The following RYR3 variants were observed in gnomAD, a reference collection of about 807,000 sequenced individuals.
The protein encoded by RYR3 is ryanodine receptor 3.
A neutral mutation model predicts 584.3 loss-of-function variants in RYR3; 207 were observed. That is an observed-to-expected ratio of 0.35 (90% confidence interval 0.32 to 0.40). The LOEUF is 0.40. Among genes scored for constraint, RYR3 ranks in the 10% least tolerant of loss-of-function variants. The pLI is 1.00. For synonymous variants in RYR3, 2,416 were observed against 2,248.5 expected (o/e 1.07, Z -2.11); for missense variants, 5,616 against 6,089.2 (o/e 0.92, Z 2.59).
intron 94 of RYR3, chr15:33,850,625 T>A (rs985502386): frequency 1.3e-5 from 2 of 151,882 alleles, no homozygotes; most frequent in Non-Finnish European, 2.9e-5. Flanking sequence ...GTGCTTTTTT[T>A]CAGTTAACTG....
intron 1 of RYR3, among the ~76,000 whole-genome samples, chr15:33,318,826 C>T (rs1309805538): frequency 2.6e-5 from 4 of 152,116 alleles, no homozygotes; most frequent in African/African-American, 4.8e-5. Flanking sequence ...TACATCAAAA[C>T]GAGAACTAAG....
intron 2 of RYR3, 136 bp from the exon 3 acceptor site, chr15:33,503,495 A>G: frequency 1.6e-6 from 1 of 614,788 alleles, no homozygotes; most frequent in Middle Eastern, 2.6e-4. Context: ...AACAGGAGAA[A>G]GCCACCTTTT....
chr15:33,549,688 T>A (rs2056526810), intron 9 of RYR3, among the ~76,000 whole-genome samples: 1 of 152,240 alleles, frequency 6.6e-6, no homozygotes, highest in African/African-American at 2.4e-5. Flanking sequence ...TGCTTGTTTG[T>A]TGTCTCTCTT....
chr15:33,699,275 C>G (rs1355837292), intron 40 of RYR3, among the ~76,000 whole-genome samples: 1 of 116,584 alleles, frequency 8.6e-6, no homozygotes, highest in Non-Finnish European at 1.7e-5. Context: ...TCTCTCTCCC[C>G]CCTCCTCACT....
chr15:33,580,356 C>T (rs1231455861), intron 13 of RYR3, among the ~76,000 whole-genome samples: 1 of 152,228 alleles, frequency 6.6e-6, no homozygotes, highest in Non-Finnish European at 1.5e-5. Context: ...AACCAGATTA[C>T]ATTTTAAAGC....
At chr15:33,776,649 T>C (rs1327304973) in intron 64 of RYR3, among the ~76,000 whole-genome samples, 1 of 152,236 alleles carries the variant, frequency 6.6e-6, no homozygotes, top group Non-Finnish European at 1.5e-5. Context: ...CTGTCCCCAC[T>C]GTGCTTTCTG....
At chr15:33,633,526 C>T (rs1393281322) in intron 24 of RYR3, among the ~76,000 whole-genome samples, 1 of 152,186 alleles carries the variant, frequency 6.6e-6, no homozygotes, top group African/African-American at 2.4e-5. Context: ...CCTGGCACAC[C>T]TCTTTCCTTG....
chr15:33,651,200 C>A (rs2062443462), intron 31 of RYR3, among the ~76,000 whole-genome samples: 1 of 152,198 alleles, frequency 6.6e-6, no homozygotes, highest in Non-Finnish European at 1.5e-5. Flanking sequence ...GAAATAAATA[C>A]AAAATCCGTT....
intron 2 of RYR3, among the ~76,000 whole-genome samples, chr15:33,495,350 A>G (rs1019305251): frequency 6.6e-6 from 1 of 152,176 alleles, no homozygotes; most frequent in Non-Finnish European, 1.5e-5. Flanking sequence ...TATGAGTCAG[A>G]AAGAGTTGGG....
At chr15:33,572,654 TATATACACACACACACAC>T (rs2058087379) in intron 12 of RYR3, among the ~76,000 whole-genome samples, 2 of 121,144 alleles carry the variant, frequency 1.7e-5, no homozygotes, top group African/African-American at 6.8e-5. Flanking sequence ...AAAAAAACTA[TATATACACACACACACAC>T]ACACACACAC....
chr15:33,796,982 T>C (rs777022643), intron 67 of RYR3, among the ~76,000 whole-genome samples: 7 of 152,212 alleles, frequency 4.6e-5, no homozygotes, highest in Non-Finnish European at 8.8e-5. Context: ...TGGAGGCCAT[T>C]ATCTTAAATG....
chr15:33,565,234 G>C (rs1185173525), intron 11 of RYR3, among the ~76,000 whole-genome samples: 1 of 152,154 alleles, frequency 6.6e-6, no homozygotes, highest in Non-Finnish European at 1.5e-5. Context: ...GGTCTTTAAG[G>C]ACCAGAAATC....
chr15:33,716,550 CAAAACAGTACCAGTAATAGAA>C (rs1276379925), intron 43 of RYR3, among the ~76,000 whole-genome samples: 1 of 152,062 alleles, frequency 6.6e-6, no homozygotes, highest in African/African-American at 2.4e-5. Flanking sequence ...AGCAGACAGT[CAAAACAGTACCAGTAATAGAA>C]AACAAATTCC....
At chr15:33,721,133 C>G (rs560098296) in intron 43 of RYR3, among the ~76,000 whole-genome samples, 1 of 152,302 alleles carries the variant, frequency 6.6e-6, no homozygotes, top group South Asian at 2.1e-4. Flanking sequence ...TACTGTCCTT[C>G]TGGATAAGTT....
In RYR3 at chr15:33,660,228, G is replaced by A. The variant is rs760095767; in HGVS notation, c.4427G>A (p.Arg1476Lys). The A allele has an allele frequency of 1.3e-6, 2 of 1,552,942 alleles. No individual in the cohort carries two copies. Among genetic ancestry groups the A allele is most frequent in the Non-Finnish European group, 8.7e-7 (1 of 1,147,756 alleles). The change falls in exon 34 of 104, where the codon AGG becomes AAG. Residue 1476 changes from arginine to lysine, a missense_variant. Physicochemically the swap from Arg to Lys is conservative, Grantham distance 26. Coordinates refer to ENST00000634891, the MANE Select transcript of RYR3 (RefSeq NM_001036.6). ...NAMPLSAAIF[R>K]SEEKNPVPQC... ...ATGCCCCTGTCAGCGGCCATATTCA[G>A]GAGTGAAGAGAAGAACCCAGTCCCA...
At chr15:33,577,994 C>A (rs1451142075) in intron 12 of RYR3, among the ~76,000 whole-genome samples, 1 of 152,132 alleles carries the variant, frequency 6.6e-6, no homozygotes, top group Admixed American at 6.5e-5. Context: ...ATGTGGCCAA[C>A]AAACATAGGA....
At chr15:33,694,096 G>T (rs1027538965) in intron 38 of RYR3, among the ~76,000 whole-genome samples, 3 of 152,056 alleles carry the variant, frequency 2.0e-5, no homozygotes, top group Non-Finnish European at 4.4e-5. Context: ...TAGTTTTCTG[G>T]CAGGCTTTGG....
At position 33,724,070 on chromosome 15, in the gene RYR3, CG is replaced by C; in HGVS notation, c.6811del (p.Asp2271ThrfsTer23). On this transcript the variant is annotated frameshift_variant, in exon 45 of 104. Transcript: ENST00000634891. LOFTEE classifies it high-confidence loss of function. Reference protein sequence around the residue: ...PSQGYKREVSTGDDEEEEEIV... With the variant: ...PSQGYKREVSXGDDEEEEEIV... ...CCCTCTGTTGGTTCTCTCAGCAGCA[CG>C]GGGGACGATGAAGAGGAAGAAGAAA... is the stretch of plus-strand genomic sequence containing the variant. The C allele has an allele frequency of 6.3e-7, 1 of 1,596,352 alleles. No individual in the cohort carries two copies. The highest frequency in any genetic ancestry group is 1.1e-5 in the South Asian group (1 of 90,476).
Position 33,787,527 on chromosome 15 carries a change from AAAACAAAAACAAAC to A in RYR3, c.9590-678_9590-665del, listed in dbSNP as rs973428344. Among the ~76,000 whole-genome samples the A allele has an allele frequency of 7.1e-5, 9 of 127,558 alleles. No homozygotes were observed. In the East Asian group the frequency reaches 4.1e-3, roughly 59 times the overall value. The allele number at this position is 127,558 out of a possible 152,430, so 83.7% of individuals were successfully genotyped here. On this transcript the variant is annotated intron_variant, in intron 66 of 103. Transcript: ENST00000634891. ...CAATTACTCTGGTCTTTAAAAAAAAAAAACAAAAACAAACAAACAAAAACAATGGAAAGGCATAT... is the reference window on the plus strand; with the variant it reads ...CAATTACTCTGGTCTTTAAAAAAAAAAAACAAAAACAATGGAAAGGCATAT...
Sources: allele counts gnomAD v4.1 joint callset (sites outside exome capture counted in the v4.1 genomes callset), GRCh38; gene constraint gnomAD v4.1.1; transcripts MANE v1.5; gene names NCBI Gene and HGNC (gene_info 2026-07-23, HGNC 2026-07-21).